The following OSBPL6 variants were observed in gnomAD, a reference collection of about 807,000 sequenced individuals.
OSBPL6 encodes oxysterol-binding protein-related protein 6.
OSBPL6 carries 49 observed loss-of-function variants against 125.8 expected under a neutral mutation model. The ratio of observed to expected loss-of-function variants is 0.39; its 90% CI spans 0.31 to 0.49. The LOEUF is 0.49. Among genes scored for constraint, OSBPL6 ranks in the 20% least tolerant of loss-of-function variants. The probability of loss-of-function intolerance (pLI) is 0.88; values close to 1 mark genes in which losing one functional copy is unlikely to be tolerated. For missense variants in OSBPL6, 986 were observed against 1,135.4 expected (o/e 0.87, Z 1.89); for synonymous variants, 394 against 391.8 (o/e 1.01, Z -0.07).
intron 4 of OSBPL6, 100 bp from the exon 5 acceptor site, chr2:178,328,156 C>T: frequency 2.7e-6 from 4 of 1,483,310 alleles, no homozygotes. Flanking sequence ...TTCTGGTGGG[C>T]CTAGTACTGC....
chr2:178,214,781 T>TA lies in OSBPL6; in HGVS notation c.-351+20115dup, dbSNP rs201387226. 4.0e-5 allele frequency among the ~76,000 whole-genome samples: 6 copies of TA among 151,850 alleles called. No individual in the cohort carries two copies. The South Asian group carries it at 8.3e-4, about 21-fold the overall frequency. On this transcript the variant is annotated intron_variant, in intron 1 of 24. Transcript: ENST00000190611. Reference sequence around the variant, plus strand: ...GGCAACATAGTGAGACCCTGTCTCTTAAAAAAAATTTTTTTTTTAATCAGC... The same window carrying TA: ...GGCAACATAGTGAGACCCTGTCTCTTAAAAAAAAATTTTTTTTTTAATCAGC...
chr2:178,310,800 A>T (rs1015623083), intron 3 of OSBPL6, among the ~76,000 whole-genome samples: 15 of 152,008 alleles, frequency 9.9e-5, no homozygotes, highest in Admixed American at 3.9e-4. Context: ...CCATTCTTTC[A>T]TTTGGTGAGA....
Position 178,398,799 on chromosome 2 carries a change from A to G in OSBPL6, c.*3240A>G, listed in dbSNP as rs1402181799. 6.6e-6 allele frequency: 1 copy of G among 152,194 alleles called. No individual in the cohort carries two copies. Among genetic ancestry groups the G allele is most frequent in the Non-Finnish European group, 1.5e-5 (1 of 68,034 alleles). 9.4% of individuals were successfully genotyped at this position (152,194 alleles called of 1,614,324 possible). A position where few individuals can be genotyped will look rare whatever the true frequency, so the allele number is the denominator to read the frequency against. ...CCTAGGCCTTTCAGCAACCCCACTA[A>G]TCAATTATTAGATCCTGCCCCAAGG... On this transcript the variant is annotated 3_prime_UTR_variant, in exon 25 of 25. Coordinates refer to ENST00000190611, the MANE Select transcript of OSBPL6 (RefSeq NM_032523.4).
intron 17 of OSBPL6, among the ~76,000 whole-genome samples, 195 bp from the exon 18 acceptor site, chr2:178,383,844 C>T (rs1023383483): frequency 8.5e-5 from 13 of 152,270 alleles, no homozygotes; most frequent in African/African-American, 2.6e-4. Context: ...GGTTTCTGTG[C>T]GAGTGGTTTT....
chr2:178,379,520 A>G (rs1246348435), intron 15 of OSBPL6, among the ~76,000 whole-genome samples: 2 of 152,194 alleles, frequency 1.3e-5, no homozygotes, highest in African/African-American at 4.8e-5. Flanking sequence ...TCGAGGAAGA[A>G]TAGACTTTAT....
intron 13 of OSBPL6, among the ~76,000 whole-genome samples, chr2:178,362,321 G>A (rs1325452115): frequency 6.6e-6 from 1 of 151,808 alleles, no homozygotes; most frequent in African/African-American, 2.4e-5. Flanking sequence ...CCTAAGTTAT[G>A]CTCCCTGAAC....
rs192590035 is a variant in OSBPL6, at chr2:178,211,560, C to T, written c.-351+16886C>T. On this transcript the variant is annotated intron_variant, in intron 1 of 24. Coordinates refer to ENST00000190611, the MANE Select transcript of OSBPL6 (RefSeq NM_032523.4). ...CGGCACTTGCTCCTTATTTCCTGAC[C>T]TCAGCCAGATGCCATTTTGATAGGG... 7.4e-3 allele frequency among the ~76,000 whole-genome samples: 1,132 copies of T among 152,286 alleles called. 14 individuals carry two copies. Among genetic ancestry groups the T allele is most frequent in the African/African-American group, 0.025 (1,044 of 41,560 alleles).
intron 3 of OSBPL6, among the ~76,000 whole-genome samples, chr2:178,309,947 G>A (rs1294419066): frequency 6.6e-6 from 1 of 152,218 alleles, no homozygotes; most frequent in Non-Finnish European, 1.5e-5. Context: ...AGTTAGAGAA[G>A]TGCTAAACAA....
At chr2:178,372,041 T>C in intron 13 of OSBPL6, 85 bp from the exon 14 acceptor site, 1 of 972,374 alleles carries the variant, frequency 1.0e-6, no homozygotes, top group South Asian at 1.6e-5. Flanking sequence ...ACAGACATTA[T>C]TGTCTAACTT....
At chr2:178,393,878 C>A (rs892968289) in intron 23 of OSBPL6, among the ~76,000 whole-genome samples, 3 of 152,178 alleles carry the variant, frequency 2.0e-5, no homozygotes, top group African/African-American at 7.2e-5. Context: ...TCAAAATAGA[C>A]GGAGAATAGC....
chr2:178,332,648 A>G lies in OSBPL6; in HGVS notation c.380A>G (p.Lys127Arg). 1 of 1,612,450 alleles carries G rather than the reference A, an allele frequency of 6.2e-7. No homozygotes were observed. Among genetic ancestry groups the G allele is most frequent in the Non-Finnish European group, 8.5e-7 (1 of 1,178,630 alleles). The change falls in exon 7 of 25, where the codon AAA (lysine) becomes AGA (arginine). Residue 127 changes from lysine to arginine, a missense_variant. By Grantham distance (26) the Lys-to-Arg change is conservative. Transcript: ENST00000190611. The part of the protein sequence containing the change: ...KYSKAPLDIQ[K>R]GKVHGSIDVG... Reference sequence around the variant, plus strand: ...CTAGTCTTTTGATTTCAGATTCAGAAAGGAAAGGTCCATGGGAGCATAGAT... The same window carrying G: ...CTAGTCTTTTGATTTCAGATTCAGAGAGGAAAGGTCCATGGGAGCATAGAT...
chr2:178,399,908 A>C lies in OSBPL6; in HGVS notation c.*4349A>C, dbSNP rs1027242869. On this transcript the variant is annotated 3_prime_UTR_variant, in exon 25 of 25. Coordinates refer to ENST00000190611, the MANE Select transcript of OSBPL6 (RefSeq NM_032523.4). ...TATGACCCCATAAATACATTTTATT[A>C]GTTACTTTGGTATCTTCAAATTGGT... 6.6e-6 allele frequency: 1 copy of C among 152,234 alleles called. No individual in the cohort carries two copies. Among genetic ancestry groups the C allele is most frequent in the Admixed American group, 6.5e-5 (1 of 15,288 alleles). 9.4% of individuals were successfully genotyped at this position (152,234 alleles called of 1,614,324 possible). A position where few individuals can be genotyped will look rare whatever the true frequency, so the allele number is the denominator to read the frequency against.
chr2:178,250,801 A>C (rs572432161), intron 1 of OSBPL6, among the ~76,000 whole-genome samples: 1 of 152,140 alleles, frequency 6.6e-6, no homozygotes, highest in South Asian at 2.1e-4. Context: ...CTGTACCTTC[A>C]TGGTGCTGAA....
intron 1 of OSBPL6, among the ~76,000 whole-genome samples, chr2:178,274,474 A>G (rs2092431467): frequency 1.3e-5 from 2 of 152,182 alleles, no homozygotes; most frequent in Non-Finnish European, 2.9e-5. Context: ...GAATAATCCC[A>G]AAAGGCAGGT....
intron 4 of OSBPL6, among the ~76,000 whole-genome samples, chr2:178,327,380 C>T (rs779534982): frequency 6.6e-6 from 1 of 152,018 alleles, no homozygotes; most frequent in Non-Finnish European, 1.5e-5. Context: ...ATTATTCTTC[C>T]AGAGATATTA....
Position 178,265,489 on chromosome 2 carries a change from C to T in OSBPL6, c.-350-19438C>T, listed in dbSNP as rs906691428. 2.6e-5 allele frequency among the ~76,000 whole-genome samples: 4 copies of T among 152,084 alleles called. No homozygotes were observed. In the East Asian group the frequency reaches 5.8e-4, roughly 22 times the overall value. On this transcript the variant is annotated intron_variant, in intron 1 of 24. Coordinates refer to ENST00000190611, the MANE Select transcript of OSBPL6 (RefSeq NM_032523.4). Reference sequence around the variant, plus strand: ...TTAGCCTCCCAAAGTGCTGGGATTACAGGTGCAGGCCAACGTGCCAGCTGG... The same window carrying T: ...TTAGCCTCCCAAAGTGCTGGGATTATAGGTGCAGGCCAACGTGCCAGCTGG...
chr2:178,248,816 A>G (rs2091583248), intron 1 of OSBPL6, among the ~76,000 whole-genome samples: 1 of 152,206 alleles, frequency 6.6e-6, no homozygotes, highest in Non-Finnish European at 1.5e-5. Flanking sequence ...GAAAAACAAG[A>G]AAGTACAAGG....
chr2:178,382,033 C>G (rs11888734), intron 15 of OSBPL6, among the ~76,000 whole-genome samples: 7,930 of 152,258 alleles, frequency 0.052, 631 homozygotes, highest in African/African-American at 0.17. Flanking sequence ...GGCAGCCTCT[C>G]CTGAGTCCTC....
intron 11 of OSBPL6, among the ~76,000 whole-genome samples, chr2:178,339,994 A>G (rs2154082222): frequency 6.6e-6 from 1 of 152,284 alleles, no homozygotes; most frequent in South Asian, 2.1e-4. Context: ...TATGTGTTCA[A>G]AATGGCATTT....
Sources: allele counts gnomAD v4.1 joint callset (sites outside exome capture counted in the v4.1 genomes callset), GRCh38; gene constraint gnomAD v4.1.1; transcripts MANE v1.5; gene names NCBI Gene and HGNC (gene_info 2026-07-23, HGNC 2026-07-21).